ALPL: variants seen among roughly 807,000 people sequenced by gnomAD.
The protein encoded by ALPL is alkaline phosphatase, tissue-nonspecific isozyme.
A neutral mutation model predicts 51.3 loss-of-function variants in ALPL; 42 were observed. The observed-to-expected ratio is 0.82, with a 90% CI of 0.64 to 1.06. ALPL has a LOEUF of 1.06. ALPL is among the 50% of genes least tolerant of loss of function. The pLI, the probability that ALPL is intolerant of heterozygous loss-of-function variation, is 0.00. For missense variants in ALPL, 589 were observed against 709.4 expected (o/e 0.83, Z 1.93); for synonymous variants, 279 against 296.4 (o/e 0.94, Z 0.60).
At chr1:21,566,376 C>T (rs890539649) in intron 6 of ALPL, among the ~76,000 whole-genome samples, 1 of 151,992 alleles carries the variant, frequency 6.6e-6, no homozygotes, top group Admixed American at 6.6e-5. Context: ...CTTCACCTCC[C>T]GGGTTCAAGC....
intron 1 of ALPL, among the ~76,000 whole-genome samples, chr1:21,524,669 G>C (rs1277459836): frequency 6.6e-6 from 1 of 152,124 alleles, no homozygotes; most frequent in Non-Finnish European, 1.5e-5. Flanking sequence ...ATGTCAGATG[G>C]GTACACTCTT....
chr1:21,519,568 G>A (rs1455494572), intron 1 of ALPL, among the ~76,000 whole-genome samples: 2 of 152,324 alleles, frequency 1.3e-5, no homozygotes, highest in South Asian at 2.1e-4. Context: ...AGGCCAAGGC[G>A]GGCAGATCAC....
At chr1:21,516,742 A>C (rs1643808304) in intron 1 of ALPL, among the ~76,000 whole-genome samples, 1 of 152,260 alleles carries the variant, frequency 6.6e-6, no homozygotes, top group Admixed American at 6.5e-5. Flanking sequence ...TTAGCCTATC[A>C]AGATATCAGA....
rs774579331 is a variant in ALPL, at chr1:21,564,226, C to T, written c.648+10C>T. On this transcript the variant is annotated intron_variant, in intron 6 of 11. Transcript: ENST00000374840. This position sits in a 1 kb window ranked among gnomAD's most constrained non-coding sequence, Gnocchi z 5.8. Reference sequence around the variant, plus strand: ...CATCAGGGACATTGACGTGAGTGCTCGGGGGCAGCCGGGCAGGGACGGGGT... The same window carrying T: ...CATCAGGGACATTGACGTGAGTGCTTGGGGGCAGCCGGGCAGGGACGGGGT... The T allele has an allele frequency of 7.4e-6, 12 of 1,612,768 alleles. No individual in the cohort carries two copies. Among genetic ancestry groups the T allele is most frequent in the East Asian group, 6.7e-5 (3 of 44,882 alleles).
intron 1 of ALPL, among the ~76,000 whole-genome samples, chr1:21,543,450 C>G (rs894944172): frequency 6.6e-6 from 1 of 151,744 alleles, no homozygotes; most frequent in Non-Finnish European, 1.5e-5. Flanking sequence ...AAAGACCGGC[C>G]GGGCAGAAAC....
chr1:21,540,541 A>C (rs1225765494), intron 1 of ALPL, among the ~76,000 whole-genome samples: 1 of 152,188 alleles, frequency 6.6e-6, no homozygotes, highest in African/African-American at 2.4e-5. Context: ...GCAATGGGGC[A>C]TGTAGTGAGA....
chr1:21,549,494 G>T (rs1417507090), intron 1 of ALPL, among the ~76,000 whole-genome samples: 6 of 148,988 alleles, frequency 4.0e-5, no homozygotes, highest in African/African-American at 1.2e-4. Flanking sequence ...TTTTTTCTGA[G>T]ATGGAGTCTC....
chr1:21,518,909 G>A (rs75394487), intron 1 of ALPL, among the ~76,000 whole-genome samples: 2,355 of 152,290 alleles, frequency 0.015, 20 homozygotes, highest in South Asian at 0.029. Flanking sequence ...TCCATCCCAG[G>A]TGTTGAGATG....
Position 21,554,875 on chromosome 1 carries a change from CTCTT to C in ALPL, c.61+743_61+746del, listed in dbSNP as rs1170462051. 2.8e-3 allele frequency among the ~76,000 whole-genome samples: 368 copies of C among 131,712 alleles called. 1 individual carries two copies. Among genetic ancestry groups the C allele is most frequent in the African/African-American group, 9.6e-3 (341 of 35,472 alleles). 86.4% of individuals were successfully genotyped at this position (131,712 alleles called of 152,430 possible). ...TTTCTTTCTTTCTTTCTTTCTTTCT[CTCTT>C]TCTTTCTTTTTCTTTCTTTCTTTCT... On this transcript the variant is annotated intron_variant, in intron 2 of 11. Transcript: ENST00000374840.
intron 1 of ALPL, among the ~76,000 whole-genome samples, chr1:21,549,730 T>C (rs113250220): frequency 2.6e-5 from 4 of 152,298 alleles, no homozygotes; most frequent in African/African-American, 9.6e-5. Flanking sequence ...CTCAAAGTGC[T>C]GGGATTACAG....
intron 8 of ALPL, among the ~76,000 whole-genome samples, chr1:21,571,369 C>G (rs1644644350): frequency 6.6e-6 from 1 of 152,288 alleles, no homozygotes; most frequent in Non-Finnish European, 1.5e-5. Flanking sequence ...AACAAATTAT[C>G]TCAAAACTTA....
At chr1:21,516,145 G>T (rs545963809) in intron 1 of ALPL, among the ~76,000 whole-genome samples, 1 of 152,318 alleles carries the variant, frequency 6.6e-6, no homozygotes, top group South Asian at 2.1e-4. Context: ...CTCCCAAAGT[G>T]CTGGGATTAC....
At position 21,554,090 on chromosome 1, in the gene ALPL, A is replaced by T. The variant is rs749406361; in HGVS notation, c.9A>T (p.Ser3=). 4 of 1,612,244 alleles carry T rather than the reference A, an allele frequency of 2.5e-6. No homozygotes were observed. In the African/African-American group the frequency reaches 5.4e-5, roughly 22 times the overall value. The change falls in exon 2 of 12, where the codon TCA becomes TCT. Residue 3 remains serine, a synonymous_variant. Transcript: ENST00000374840. ...AGGTCTTGGGGTGCACCATGATTTCACCATTCTTAGTACTGGCCATTGGCA... is the reference window on the plus strand; with the variant it reads ...AGGTCTTGGGGTGCACCATGATTTCTCCATTCTTAGTACTGGCCATTGGCA... MI[S]PFLVLAIGTC...
At chr1:21,549,091 AGCTTTCTCCAGCG>A (rs1350608568) in intron 1 of ALPL, among the ~76,000 whole-genome samples, 1 of 152,212 alleles carries the variant, frequency 6.6e-6, no homozygotes, top group Non-Finnish European at 1.5e-5. Context: ...AGTTTGCCAA[AGCTTTCTCCAGCG>A]AGTATGATGG....
At chr1:21,514,254 G>C (rs889540734) in intron 1 of ALPL, among the ~76,000 whole-genome samples, 1 of 152,084 alleles carries the variant, frequency 6.6e-6, no homozygotes, top group Non-Finnish European at 1.5e-5. Flanking sequence ...GTCTAGCTGG[G>C]GACAGGCATC....
chr1:21,575,684 ATCT>A, intron 9 of ALPL, 46 bp from the exon 10 acceptor site: 1 of 1,599,346 alleles, frequency 6.3e-7, no homozygotes, highest in South Asian at 1.1e-5. Context: ...TGGGGAGCAG[ATCT>A]TCCTCCCCTC....
At chr1:21,543,580 T>C (rs1325268202) in intron 1 of ALPL, among the ~76,000 whole-genome samples, 1 of 151,808 alleles carries the variant, frequency 6.6e-6, no homozygotes, top group East Asian at 1.9e-4. Context: ...AGAGTGAAAC[T>C]CCATCTGAAA....
chr1:21,537,940 C>G (rs1002937477), intron 1 of ALPL, among the ~76,000 whole-genome samples: 8 of 152,180 alleles, frequency 5.3e-5, no homozygotes, highest in Non-Finnish European at 8.8e-5. Context: ...CTGTTAGTAG[C>G]TATGTGACCT....
chr1:21,573,705 G>T lies in ALPL; in HGVS notation c.903G>T (p.Arg301Ser). The T allele has an allele frequency of 4.3e-6, 7 of 1,614,034 alleles. No homozygotes were observed. Among genetic ancestry groups the T allele is most frequent in the Non-Finnish European group, 5.9e-6 (7 of 1,179,992 alleles). The change falls in exon 9 of 12, where the codon AGG becomes AGT. Residue 301 changes from arginine to serine, a missense_variant. Arg to Ser is a moderately radical substitution (Grantham distance 110). Coordinates refer to ENST00000374840, the MANE Select transcript of ALPL (RefSeq NM_000478.6). ...EPGDMQYELN[R>S]NNVTDPSLSE... is the part of the protein sequence containing the mutation. ...GGGACATGCAGTACGAGCTGAACAGGAACAACGTGACGGACCCGTCACTCT... is the reference window on the plus strand; with the variant it reads ...GGGACATGCAGTACGAGCTGAACAGTAACAACGTGACGGACCCGTCACTCT...
Sources: allele counts gnomAD v4.1 joint callset (sites outside exome capture counted in the v4.1 genomes callset), GRCh38; gene constraint gnomAD v4.1.1; non-coding constraint Gnocchi (gnomAD v3.1); transcripts MANE v1.5; gene names NCBI Gene and HGNC (gene_info 2026-07-23, HGNC 2026-07-21).